SAR1B: variants seen among roughly 807,000 people sequenced by gnomAD.
The protein encoded by SAR1B is secretion associated Ras related GTPase 1B, also known as small COPII coat GTPase SAR1B.
In SAR1B, 23 loss-of-function variants were observed where a neutral mutation model predicts 26.8. The observed-to-expected ratio is 0.86, with a 90% CI of 0.62 to 1.22. SAR1B has a LOEUF of 1.22. Among genes scored for constraint, SAR1B ranks in the 50% most tolerant of loss-of-function variants. The probability of loss-of-function intolerance (pLI) is 0.00; values close to 1 mark genes in which losing one functional copy is unlikely to be tolerated. For missense variants in SAR1B, 196 were observed against 232.8 expected, an observed-to-expected ratio of 0.84 and a Z score of 1.03; for synonymous variants, 65 against 80.8, an observed-to-expected ratio of 0.80 and a Z score of 1.05.
intron 3 of SAR1B, 107 bp from the exon 4 acceptor site, chr5:134,612,863 A>G (rs938093015): frequency 3.1e-5 from 31 of 998,806 alleles, no homozygotes; most frequent in Non-Finnish European, 4.4e-5. Flanking sequence ...CATCTAATTA[A>G]GAATAAATAG....
chr5:134,614,158 A>C (rs1200627837), intron 3 of SAR1B: 3 of 152,220 alleles, frequency 2.0e-5, no homozygotes, highest in Non-Finnish European at 4.4e-5. Flanking sequence ...AAAAGAAAGA[A>C]AGAAAAAAAA....
chr5:134,605,395 T>C lies in SAR1B; in HGVS notation c.*1555A>G, dbSNP rs560318946. The C allele has an allele frequency of 3.3e-5, 5 of 151,968 alleles. No individual in the cohort carries two copies. The highest frequency in any genetic ancestry group is 9.6e-5 in the African/African-American group (4 of 41,490). The allele number at this position is 151,968 out of a possible 1,614,324, so 9.4% of individuals were successfully genotyped here. ...ACTAATGATGGGAATCTCAAACATA[T>C]AAAAAAAGAATTCAGTTTCTTAGGA... On this transcript the variant is annotated 3_prime_UTR_variant, in exon 7 of 7. Transcript: ENST00000402673.
chr5:134,624,025 A>C lies in SAR1B; in HGVS notation c.-6T>G. Reference sequence around the variant, plus strand: ...CAATCAAATATGAAGGACATATCCAAATCTGATAGGGTCTGAAAAAAAAGA... The same window carrying C: ...CAATCAAATATGAAGGACATATCCACATCTGATAGGGTCTGAAAAAAAAGA... On this transcript the variant is annotated 5_prime_UTR_variant, in exon 2 of 7. The change creates a new upstream start codon in the 5' untranslated region. Transcript: ENST00000402673. The C allele has an allele frequency of 6.2e-7, 1 of 1,602,398 alleles. No individual in the cohort carries two copies. Among genetic ancestry groups the C allele is most frequent in the Non-Finnish European group, 8.6e-7 (1 of 1,169,352 alleles).
intron 1 of SAR1B, 124 bp from the exon 2 acceptor site, chr5:134,624,161 C>G (rs1447493894): frequency 1.4e-6 from 1 of 692,852 alleles, no homozygotes; most frequent in Non-Finnish European, 2.6e-6. Context: ...AAGAGTTACA[C>G]ACTTTGGGAA....
intron 1 of SAR1B, among the ~76,000 whole-genome samples, chr5:134,625,414 A>T (rs1456012921): frequency 6.6e-6 from 1 of 152,204 alleles, no homozygotes; most frequent in East Asian, 1.9e-4. Flanking sequence ...TACTAGTGAG[A>T]GGGCTGTAGG....
chr5:134,625,790 G>A (rs1765484238), intron 1 of SAR1B: 1 of 152,150 alleles, frequency 6.6e-6, no homozygotes, highest in Non-Finnish European at 1.5e-5. Context: ...GAAGACTGGA[G>A]GGCACTGATA....
intron 4 of SAR1B, among the ~76,000 whole-genome samples, chr5:134,610,899 T>A (rs925116920): frequency 2.0e-5 from 3 of 151,198 alleles, no homozygotes; most frequent in Non-Finnish European, 4.4e-5. Flanking sequence ...TTTTTTTTTT[T>A]AAAGAGACAG....
chr5:134,607,508 CA>C (rs1259341135), intron 6 of SAR1B, among the ~76,000 whole-genome samples: 1 of 151,518 alleles, frequency 6.6e-6, no homozygotes, highest in Non-Finnish European at 1.5e-5. Context: ...CGTGGTGGCT[CA>C]TGCCTGTAAT....
intron 4 of SAR1B, among the ~76,000 whole-genome samples, chr5:134,611,647 CTTG>C (rs1008965555): frequency 6.6e-6 from 1 of 152,142 alleles, no homozygotes; most frequent in African/African-American, 2.4e-5. Flanking sequence ...TCTTTCCAAA[CTTG>C]TTGTAGACAT....
intron 3 of SAR1B, among the ~76,000 whole-genome samples, chr5:134,620,279 C>T (rs1273659763): frequency 6.6e-6 from 1 of 151,226 alleles, no homozygotes; most frequent in South Asian, 2.1e-4. Context: ...GCACTCCAGC[C>T]TGGGCGACAG....
rs70976542 is a variant in SAR1B at position 134,622,410 on chromosome 5, C to CTTTTTTT, written c.59-1365_59-1359dup. ...TTTGTATAATTACAAAGCCCATATT[C>CTTTTTTT]TTTTTTTTTTTTTTTTTTGAGACGG... On this transcript the variant is annotated intron_variant, in intron 2 of 6. Transcript: ENST00000402673. 3.0e-3 allele frequency among the ~76,000 whole-genome samples: 410 copies of CTTTTTTT among 135,554 alleles called. 3 individuals are homozygous for CTTTTTTT. Among genetic ancestry groups the CTTTTTTT allele is most frequent in the African/African-American group, 0.011 (391 of 36,572 alleles). The allele number at this position is 135,554 out of a possible 152,430, so 88.9% of individuals were successfully genotyped here.
intron 1 of SAR1B, among the ~76,000 whole-genome samples, chr5:134,624,378 C>T (rs1357369732): frequency 6.6e-6 from 1 of 151,984 alleles, no homozygotes; most frequent in Non-Finnish European, 1.5e-5. Flanking sequence ...CACTGTACTC[C>T]TGCATGGTGG....
At chr5:134,631,658 C>G (rs1765608307) in intron 1 of SAR1B, 1 of 152,214 alleles carries the variant, frequency 6.6e-6, no homozygotes, top group Admixed American at 6.5e-5. Flanking sequence ...CTCATTTTGT[C>G]CACTGTACCA....
rs1765393704 is a variant in SAR1B, at chr5:134,620,846, C to T, written c.178+87G>A. 3 of 1,470,194 alleles carry T rather than the reference C, an allele frequency of 2.0e-6. No homozygotes were observed. In the East Asian group the frequency reaches 6.8e-5, roughly 33 times the overall value. The allele number at this position is 1,470,194 out of a possible 1,614,324, so 91.1% of individuals were successfully genotyped here. A position where few individuals can be genotyped will look rare whatever the true frequency, so the allele number is the denominator to read the frequency against. On this transcript the variant is annotated intron_variant, in intron 3 of 6. Transcript: ENST00000402673. ...TGCAGCCTGGGCAACAGAGAAAGAC[C>T]CTGTCTGAAACAAAACACTTTTGGT...
intron 1 of SAR1B, among the ~76,000 whole-genome samples, chr5:134,627,810 AAATAAATAAAT>A (rs1416018751): frequency 1.9e-5 from 1 of 53,024 alleles, no homozygotes; most frequent in African/African-American, 6.8e-5. Context: ...AAAAATAAAT[AAATAAATAAAT>A]AAATAAATAA....
intron 2 of SAR1B, among the ~76,000 whole-genome samples, chr5:134,623,504 T>TAAAAAAAAAA (rs62986962): frequency 2.9e-5 from 4 of 137,882 alleles, no homozygotes; most frequent in African/African-American, 2.7e-5. Context: ...TCTATAAAAT[T>TAAAAAAAAAA]AAAAAAAAAA....
chr5:134,611,304 G>A (rs1765208491), intron 4 of SAR1B, among the ~76,000 whole-genome samples: 1 of 152,146 alleles, frequency 6.6e-6, no homozygotes, highest in Admixed American at 6.6e-5. Flanking sequence ...TCACTAGCCA[G>A]AACCATTTAC....
At chr5:134,632,267 T>A (rs1432367964) in intron 1 of SAR1B, 1 of 152,178 alleles carries the variant, frequency 6.6e-6, no homozygotes, top group African/African-American at 2.4e-5. Context: ...ACAGTGTATC[T>A]TTTTTCCACT....
intron 3 of SAR1B, chr5:134,614,222 CTG>C (rs756589204): frequency 2.7e-4 from 41 of 152,304 alleles, no homozygotes; most frequent in African/African-American, 7.5e-4. Flanking sequence ...TCATTTGATT[CTG>C]TGTTATATCT....
Sources: gnomAD v4.1 joint callset for allele counts (sites outside exome capture counted in the v4.1 genomes callset) on GRCh38, gnomAD v4.1.1 for gene constraint, MANE v1.5 for transcripts, NCBI Gene and HGNC (gene_info 2026-07-23, HGNC 2026-07-21) for gene names.